ATG7: variants seen among roughly 807,000 people sequenced by gnomAD.
The protein encoded by ATG7 is ubiquitin-like modifier-activating enzyme ATG7.
A neutral mutation model predicts 82.4 loss-of-function variants in ATG7; 70 were observed. The ratio of observed to expected loss-of-function variants is 0.85; its 90% CI spans 0.70 to 1.04. The LOEUF (loss-of-function observed/expected upper bound fraction) is 1.04. Among genes scored for constraint, ATG7 ranks in the 50% least tolerant of loss-of-function variants. The probability of loss-of-function intolerance (pLI) is 0.00; values close to 1 mark genes in which losing one functional copy is unlikely to be tolerated. For missense variants in ATG7, 792 were observed against 864.3 expected (o/e 0.92, Z 1.05); for synonymous variants, 287 against 313.0 (o/e 0.92, Z 0.88).
intron 20 of ATG7, among the ~76,000 whole-genome samples, chr3:11,475,907 A>ACC (rs1553687237): frequency 4.1e-5 from 6 of 146,252 alleles, no homozygotes; most frequent in Admixed American, 6.8e-5. Context: ...ACACACACAC[A>ACC]CCCCCTCCCA....
At chr3:11,335,463 G>T (rs1353084000) in intron 11 of ATG7, among the ~76,000 whole-genome samples, 1 of 152,142 alleles carries the variant, frequency 6.6e-6, no homozygotes, top group Non-Finnish European at 1.5e-5. Context: ...AAGCTGTCCT[G>T]GGCCATGGGT....
intron 20 of ATG7, among the ~76,000 whole-genome samples, chr3:11,478,832 T>C (rs1264016678): frequency 6.6e-6 from 1 of 152,200 alleles, no homozygotes; most frequent in Non-Finnish European, 1.5e-5. Context: ...AAAGTTATTC[T>C]CAACTTCCTG....
At chr3:11,508,227 CAG>C (rs2091851768) in intron 20 of ATG7, among the ~76,000 whole-genome samples, 2 of 151,894 alleles carry the variant, frequency 1.3e-5, no homozygotes, top group Non-Finnish European at 2.9e-5. Flanking sequence ...GTGAGGCACA[CAG>C]TGTCTAAGGT....
intron 18 of ATG7, among the ~76,000 whole-genome samples, chr3:11,371,316 G>A (rs1012922942): frequency 2.6e-5 from 4 of 151,156 alleles, no homozygotes; most frequent in East Asian, 1.9e-4. Flanking sequence ...GGTGCTCAGC[G>A]AGTTTGAGGA....
At chr3:11,495,923 C>T (rs748340083) in intron 20 of ATG7, among the ~76,000 whole-genome samples, 20 of 152,224 alleles carry the variant, frequency 1.3e-4, no homozygotes, top group Non-Finnish European at 2.6e-4. Context: ...TCATGTGCAC[C>T]GTAAGGACTT....
At chr3:11,475,907 A>ACACACACACC (rs766157655) in intron 20 of ATG7, among the ~76,000 whole-genome samples, 62 of 146,336 alleles carry the variant, frequency 4.2e-4, no homozygotes, top group African/African-American at 1.3e-3. Context: ...ACACACACAC[A>ACACACACACC]CCCCCTCCCA....
intron 20 of ATG7, among the ~76,000 whole-genome samples, chr3:11,439,916 A>G (rs1381502058): frequency 6.6e-6 from 1 of 152,176 alleles, no homozygotes; most frequent in Non-Finnish European, 1.5e-5. Flanking sequence ...GGAGGTGACT[A>G]TTATCCCATT....
intron 20 of ATG7, among the ~76,000 whole-genome samples, chr3:11,465,335 C>T (rs1306042339): frequency 6.6e-6 from 1 of 151,644 alleles, no homozygotes; most frequent in Admixed American, 6.6e-5. Flanking sequence ...GTCCCAGCTA[C>T]TCGGGAGGCT....
At chr3:11,284,416 A>C (rs346077) in intron 3 of ATG7, among the ~76,000 whole-genome samples, 128,003 of 152,204 alleles carry the variant, frequency 0.84, 53,979 homozygotes, top group East Asian at 1. Context: ...CATTTAGGCT[A>C]CTTATTTAGA....
At position 11,309,049 on chromosome 3, in the gene ATG7, C is replaced by T; in HGVS notation, c.399C>T (p.Leu133=). 1 of 1,613,764 alleles carries T rather than the reference C, an allele frequency of 6.2e-7. No homozygotes were observed. The highest frequency in any genetic ancestry group is 1.1e-5 in the South Asian group (1 of 91,070). ...CTGTACTCCTCAACAAGTTCCTCCT[C>T]TTGACATTTGCAGTAAGTAAATGGG... ...ENPVLLNKFL[L]LTFADLKKYH... The change falls in exon 7 of 21, where the codon CTC becomes CTT. Residue 133 remains leucine (L), a synonymous_variant. Transcript: ENST00000693202.
chr3:11,566,304 C>T, the ATG7 span, among the ~76,000 whole-genome samples: 2 of 152,326 alleles, frequency 1.3e-5, no homozygotes, highest in Admixed American at 6.5e-5. Flanking sequence ...AAACAACACA[C>T]GGCCATCCCA....
intron 18 of ATG7, among the ~76,000 whole-genome samples, chr3:11,375,463 C>T (rs1012971105): frequency 7.9e-5 from 12 of 152,242 alleles, no homozygotes; most frequent in Non-Finnish European, 1.6e-4. Context: ...GATACCATTT[C>T]ATACTCACTA....
chr3:11,573,321 A>G, the ATG7 span, among the ~76,000 whole-genome samples: 9,337 of 34,352 alleles, frequency 0.27, 1,524 homozygotes, highest in South Asian at 0.4. Context: ...GGAAGGAAGA[A>G]AGAAAGAAAG....
At chr3:11,308,669 GA>G (rs1317454010) in intron 6 of ATG7, 1 of 401,954 alleles carries the variant, frequency 2.5e-6, no homozygotes, top group Non-Finnish European at 4.6e-6. Flanking sequence ...GTATATAGTA[GA>G]CAATAAGTAA....
intron 19 of ATG7, among the ~76,000 whole-genome samples, chr3:11,415,158 G>A (rs2081261190): frequency 6.6e-6 from 1 of 152,224 alleles, no homozygotes; most frequent in Admixed American, 6.5e-5. Context: ...GTAAGTACTT[G>A]TGTATCTCAA....
At chr3:11,462,841 TTTTATTTATTTA>T (rs200412655) in intron 20 of ATG7, among the ~76,000 whole-genome samples, 8,280 of 135,394 alleles carry the variant, frequency 0.061, 394 homozygotes, top group East Asian at 0.19. Flanking sequence ...TCTCAGATAT[TTTTATTTATTTA>T]TTTATTTATT....
intron 1 of ATG7, among the ~76,000 whole-genome samples, chr3:11,273,501 C>T (rs975783235): frequency 2.0e-5 from 3 of 152,184 alleles, no homozygotes; most frequent in Non-Finnish European, 2.9e-5. Context: ...TTGTCTTCCT[C>T]TTCTCACCTT....
intron 20 of ATG7, among the ~76,000 whole-genome samples, chr3:11,511,224 T>C (rs1268080389): frequency 6.6e-6 from 1 of 152,158 alleles, no homozygotes; most frequent in Non-Finnish European, 1.5e-5. Flanking sequence ...TATTCTCTTA[T>C]CTGGCCCCAC....
the ATG7 span, among the ~76,000 whole-genome samples, chr3:11,569,668 C>T: frequency 1.6e-4 from 24 of 152,316 alleles, no homozygotes; most frequent in East Asian, 3.9e-4. Context: ...CAGGAGAATC[C>T]GACATCTGAG....
Sources: gnomAD v4.1 joint callset for allele counts (sites outside exome capture counted in the v4.1 genomes callset) on GRCh38, gnomAD v4.1.1 for gene constraint, MANE v1.5 for transcripts, NCBI Gene and HGNC (gene_info 2026-07-23, HGNC 2026-07-21) for gene names.